Variants in OR2L13 observed in about 807,000 individuals in gnomAD.
OR2L13 encodes olfactory receptor family 2 subfamily L member 13, also known as olfactory receptor 2L13.
In OR2L13, 14 loss-of-function variants were observed where a neutral mutation model predicts 15.3. The observed-to-expected ratio is 0.91, with a 90% confidence interval of 0.60 to 1.43. The LOEUF is 1.43. Among genes scored for constraint, OR2L13 ranks in the 40% most tolerant of loss-of-function variants. OR2L13 has a pLI of 0.00. For synonymous variants in OR2L13, 152 were observed against 142.9 expected (o/e 1.06, Z -0.45); for missense variants, 367 against 387.9 (o/e 0.95, Z 0.45).
the OR2L13 span, chr1:247,948,757 C>A: frequency 1.5e-5 from 14 of 927,680 alleles, no homozygotes; most frequent in Non-Finnish European, 2.3e-5. Context: ...TTTCAAACAT[C>A]CACTGGGGGG....
the OR2L13 span, chr1:248,060,625 TTTCTGTGCTTAAC>T: frequency 1.4e-6 from 2 of 1,423,256 alleles, no homozygotes; most frequent in East Asian, 2.3e-5. Context: ...TAAAGACGAA[TTTCTGTGCTTAAC>T]TTACCCTTGT....
the OR2L13 span, among the ~76,000 whole-genome samples, chr1:248,012,608 G>C: frequency 6.6e-6 from 1 of 152,114 alleles, no homozygotes; most frequent in Non-Finnish European, 1.5e-5. Context: ...TTCAAAGGCA[G>C]GGTTTTAAAG....
At chr1:248,072,091 T>C in the OR2L13 span, among the ~76,000 whole-genome samples, 1 of 151,682 alleles carries the variant, frequency 6.6e-6, no homozygotes, top group Non-Finnish European at 1.5e-5. Flanking sequence ...CCCATCAAGC[T>C]ACCAATGACT....
the OR2L13 span, among the ~76,000 whole-genome samples, chr1:247,985,240 C>T: frequency 0.039 from 5,887 of 151,998 alleles, 354 homozygotes; most frequent in African/African-American, 0.13. Flanking sequence ...CTCCTAATGC[C>T]ATCCCTCCCT....
the OR2L13 span, chr1:248,084,753 A>C: frequency 4.7e-5 from 55 of 1,176,852 alleles, no homozygotes; most frequent in Non-Finnish European, 6.1e-5. Context: ...AGATGGTCTC[A>C]TTCAGGGACC....
chr1:248,044,620 G>A, the OR2L13 span, among the ~76,000 whole-genome samples: 2 of 121,868 alleles, frequency 1.6e-5, no homozygotes, highest in Admixed American at 1.4e-4. Flanking sequence ...TGGCTAACAA[G>A]GTGAAACCCC....
the OR2L13 span, among the ~76,000 whole-genome samples, chr1:247,971,297 A>G: frequency 6.6e-6 from 1 of 152,164 alleles, no homozygotes; most frequent in Non-Finnish European, 1.5e-5. Flanking sequence ...AGGGAGCACC[A>G]GCCATCGAGA....
the OR2L13 span, among the ~76,000 whole-genome samples, chr1:248,002,283 A>G: frequency 6.6e-6 from 1 of 152,204 alleles, no homozygotes; most frequent in African/African-American, 2.4e-5. Context: ...GAGAAACACC[A>G]GTTTAACCTT....
At chr1:248,007,559 G>C in the OR2L13 span, among the ~76,000 whole-genome samples, 3 of 152,126 alleles carry the variant, frequency 2.0e-5, no homozygotes, top group Non-Finnish European at 4.4e-5. Context: ...TTGAAAGTTG[G>C]GCAATAATTC....
the OR2L13 span, chr1:248,061,087 A>G: frequency 3.1e-6 from 5 of 1,613,894 alleles, no homozygotes; most frequent in Admixed American, 1.7e-5. Flanking sequence ...CATCCGCATG[A>G]GCAAAAGAAT....
chr1:247,977,033 C>T, the OR2L13 span, among the ~76,000 whole-genome samples: 1 of 152,204 alleles, frequency 6.6e-6, no homozygotes, highest in Admixed American at 6.5e-5. Context: ...ATTCTACTCT[C>T]ATACATCCTA....
the OR2L13 span, among the ~76,000 whole-genome samples, chr1:247,986,544 GT>G: frequency 1.3e-5 from 2 of 152,138 alleles, no homozygotes; most frequent in African/African-American, 4.8e-5. Flanking sequence ...GTCAGGTAGT[GT>G]GATGCCTCCA....
At chr1:248,038,486 C>G in the OR2L13 span, 1 of 1,613,788 alleles carries the variant, frequency 6.2e-7, no homozygotes, top group East Asian at 2.2e-5. Flanking sequence ...TAAATTACAT[C>G]TCCACCATTG....
the OR2L13 span, among the ~76,000 whole-genome samples, chr1:248,072,990 G>A: frequency 1.0e-4 from 8 of 76,498 alleles, no homozygotes; most frequent in Admixed American, 1.6e-3. Context: ...GTGCTGGAGA[G>A]GATGTGGAGA....
the OR2L13 span, chr1:248,060,783 C>T: frequency 1.2e-6 from 2 of 1,614,134 alleles, no homozygotes; most frequent in Non-Finnish European, 1.7e-6. Flanking sequence ...TTTTCATTTT[C>T]CTAATGGCTC....
At chr1:248,088,793 T>G in the OR2L13 span, among the ~76,000 whole-genome samples, 3 of 152,236 alleles carry the variant, frequency 2.0e-5, no homozygotes, top group African/African-American at 7.2e-5. Flanking sequence ...TCTGTGAAGT[T>G]GTTTTGTCAA....
the OR2L13 span, among the ~76,000 whole-genome samples, chr1:248,080,050 C>T: frequency 2.0e-5 from 3 of 151,988 alleles, no homozygotes; most frequent in Non-Finnish European, 4.4e-5. Flanking sequence ...ATAATGATTT[C>T]CTTTGTGAAG....
the OR2L13 span, among the ~76,000 whole-genome samples, chr1:248,076,498 C>A: frequency 2.0e-5 from 3 of 151,890 alleles, no homozygotes; most frequent in African/African-American, 4.8e-5. Flanking sequence ...TTCTTCCACT[C>A]GTTTTTGTCC....
the OR2L13 span, among the ~76,000 whole-genome samples, chr1:248,006,331 G>T: frequency 6.6e-6 from 1 of 151,468 alleles, no homozygotes; most frequent in Non-Finnish European, 1.5e-5. Flanking sequence ...TGTGGGTGTT[G>T]CCTGAGCCCA....
Sources: gnomAD v4.1 joint callset for allele counts (sites outside exome capture counted in the v4.1 genomes callset) on GRCh38, gnomAD v4.1.1 for gene constraint, MANE v1.5 for transcripts, NCBI Gene and HGNC (gene_info 2026-07-23, HGNC 2026-07-21) for gene names.